STXBP5L: variants seen among roughly 807,000 people sequenced by gnomAD.
STXBP5L encodes the protein syntaxin binding protein 5L.
Under a neutral mutation model 144.5 loss-of-function variants are expected in STXBP5L, and 65 were observed. The ratio of observed to expected loss-of-function variants is 0.45; its 90% CI spans 0.37 to 0.55. The LOEUF (loss-of-function observed/expected upper bound fraction) is 0.55, where lower values mean the gene tolerates loss of function less well. Among genes scored for constraint, STXBP5L ranks in the 20% least tolerant of loss-of-function variants. The pLI is 0.00. For synonymous variants in STXBP5L, 505 were observed against 469.6 expected (o/e 1.08, Z -0.97); for missense variants, 1,298 against 1,405.5 (o/e 0.92, Z 1.22).
At chr3:121,045,999 G>GT (rs1947492821) in intron 5 of STXBP5L, among the ~76,000 whole-genome samples, 1 of 152,136 alleles carries the variant, frequency 6.6e-6, no homozygotes, top group East Asian at 1.9e-4. Flanking sequence ...TTGGCTGTGA[G>GT]TTTGTCATAG....
At chr3:121,069,515 G>A (rs78158375) in intron 5 of STXBP5L, among the ~76,000 whole-genome samples, 6 of 151,854 alleles carry the variant, frequency 4.0e-5, no homozygotes, top group Admixed American at 6.6e-5. Context: ...TCCAAAAAGC[G>A]CAATTGCCGG....
intron 15 of STXBP5L, among the ~76,000 whole-genome samples, chr3:121,252,384 A>ATAAG (rs1273985926): frequency 6.6e-6 from 1 of 151,406 alleles, no homozygotes; most frequent in African/African-American, 2.4e-5. Context: ...AAAATAACAA[A>ATAAG]TAAATAAATA....
rs182482319 is a variant in STXBP5L at position 121,152,295 on chromosome 3, T to C, written c.670-182T>C. ...AATTAGGTGATTTATTGGTAAGTGT[T>C]CATATTGAAGCAGAGTTTGCCATTT... On this transcript the variant is annotated intron_variant, in intron 7 of 26. Transcript: ENST00000471454. 2.0e-5 allele frequency among the ~76,000 whole-genome samples: 3 copies of C among 152,226 alleles called. No homozygotes were observed. In the East Asian group the frequency reaches 5.8e-4, roughly 29 times the overall value.
At position 121,250,782 on chromosome 3, in the gene STXBP5L, T is replaced by A; in HGVS notation, c.1441+19T>A. On this transcript the variant is annotated intron_variant, in intron 15 of 26. Transcript: ENST00000471454. ...TCTGCAAGTAAGTTTCAAGTTTCTG[T>A]ACAACAGAAACCAATTGGTTAATAT... The A allele has an allele frequency of 6.2e-7, 1 of 1,605,928 alleles. No individual in the cohort carries two copies. Among genetic ancestry groups the A allele is most frequent in the African/African-American group, 1.3e-5 (1 of 74,728 alleles).
intron 4 of STXBP5L, among the ~76,000 whole-genome samples, chr3:121,044,381 CTCTT>C (rs908867069): frequency 2.6e-4 from 40 of 152,126 alleles, no homozygotes; most frequent in African/African-American, 9.7e-4. Flanking sequence ...CCTATCTTCT[CTCTT>C]CTAATTCCTA....
intron 3 of STXBP5L, among the ~76,000 whole-genome samples, chr3:120,985,228 A>G (rs1942180886): frequency 6.6e-6 from 1 of 152,048 alleles, no homozygotes; most frequent in Non-Finnish European, 1.5e-5. Context: ...AAGTTTGAGA[A>G]GGATTGGTTT....
chr3:121,351,076 C>T (rs1437933714), intron 20 of STXBP5L, among the ~76,000 whole-genome samples: 1 of 147,408 alleles, frequency 6.8e-6, no homozygotes, highest in Non-Finnish European at 1.5e-5. Flanking sequence ...TGTTTTTTCC[C>T]CATCTTTGTG....
intron 11 of STXBP5L, 124 bp from the exon 12 acceptor site, chr3:121,233,492 G>T: frequency 1.3e-5 from 7 of 559,036 alleles, no homozygotes; most frequent in South Asian, 3.9e-5. Flanking sequence ...TCTTACTTTG[G>T]CTTATAGTTT....
intron 3 of STXBP5L, among the ~76,000 whole-genome samples, chr3:120,995,984 C>G (rs1242030530): frequency 6.6e-6 from 1 of 152,024 alleles, no homozygotes; most frequent in South Asian, 2.1e-4. Flanking sequence ...CTGAGAATGT[C>G]TTTATTTCAC....
chr3:121,307,896 C>CGCTA (rs1559958691), intron 19 of STXBP5L, among the ~76,000 whole-genome samples: 1 of 151,710 alleles, frequency 6.6e-6, no homozygotes, highest in African/African-American at 2.4e-5. Flanking sequence ...TGCTGAAACA[C>CGCTA]GCTACAAGGC....
At chr3:121,264,049 G>T (rs1193895982) in intron 18 of STXBP5L, among the ~76,000 whole-genome samples, 2 of 151,466 alleles carry the variant, frequency 1.3e-5, no homozygotes, top group East Asian at 3.9e-4. Context: ...ACATGTTAAG[G>T]GCAGCCAGAG....
At chr3:121,264,906 AG>A (rs2108402170) in intron 18 of STXBP5L, among the ~76,000 whole-genome samples, 1 of 152,278 alleles carries the variant, frequency 6.6e-6, no homozygotes, top group Non-Finnish European at 1.5e-5. Flanking sequence ...ATAATAGTAA[AG>A]GGATCAATGT....
intron 22 of STXBP5L, among the ~76,000 whole-genome samples, chr3:121,399,071 C>A (rs2046806479): frequency 6.6e-6 from 1 of 152,010 alleles, no homozygotes; most frequent in African/African-American, 2.4e-5. Flanking sequence ...TAGGGATGAA[C>A]CTCTCCCTCC....
chr3:121,121,366 A>G (rs1387563196), intron 6 of STXBP5L, among the ~76,000 whole-genome samples: 1 of 151,362 alleles, frequency 6.6e-6, no homozygotes, highest in Admixed American at 6.6e-5. Context: ...CTTATCTGAC[A>G]ACAAACGTTT....
At chr3:121,051,712 C>T (rs1948012049) in intron 5 of STXBP5L, among the ~76,000 whole-genome samples, 1 of 151,962 alleles carries the variant, frequency 6.6e-6, no homozygotes, top group South Asian at 2.1e-4. Flanking sequence ...CAAAAGCTAG[C>T]AGAAGGCAAG....
Position 121,421,595 on chromosome 3 carries a change from A to G in STXBP5L, c.*2498A>G, listed in dbSNP as rs989561903. 1 of 152,268 alleles carries G rather than the reference A, an allele frequency of 6.6e-6. No individual in the cohort carries two copies. The highest frequency in any genetic ancestry group is 1.5e-5 in the Non-Finnish European group (1 of 68,042). 9.4% of individuals were successfully genotyped at this position (152,268 alleles called of 1,614,324 possible). A position where few individuals can be genotyped will look rare whatever the true frequency, so the allele number is the denominator to read the frequency against. ...TTGTATAAAACTGTACAATAAGTAT[A>G]CAATGTCTTAGCAAGATAAATTATT... On this transcript the variant is annotated 3_prime_UTR_variant, in exon 27 of 27. Transcript: ENST00000471454.
chr3:121,354,798 A>G (rs1047513807), intron 20 of STXBP5L, among the ~76,000 whole-genome samples: 1 of 152,142 alleles, frequency 6.6e-6, no homozygotes, highest in African/African-American at 2.4e-5. Context: ...TATGATCTTT[A>G]CAATTTGGCA....
chr3:121,356,295 C>A (rs1257144592), intron 20 of STXBP5L, among the ~76,000 whole-genome samples: 1 of 152,242 alleles, frequency 6.6e-6, no homozygotes, highest in Non-Finnish European at 1.5e-5. Flanking sequence ...GCCCTGCCCA[C>A]AGAGGAGAAG....
chr3:121,014,981 A>T (rs1382932137), intron 3 of STXBP5L, among the ~76,000 whole-genome samples: 3 of 152,110 alleles, frequency 2.0e-5, no homozygotes, highest in African/African-American at 7.2e-5. Flanking sequence ...CTCTATACTG[A>T]AAATTATAAA....
Sources: gnomAD v4.1 joint callset for allele counts (sites outside exome capture counted in the v4.1 genomes callset) on GRCh38, gnomAD v4.1.1 for gene constraint, MANE v1.5 for transcripts, NCBI Gene and HGNC (gene_info 2026-07-23, HGNC 2026-07-21) for gene names.